DPP10: variants seen among roughly 807,000 people sequenced by gnomAD.
The protein encoded by DPP10 is dipeptidyl peptidase like 10, also known as inactive dipeptidyl peptidase 10.
DPP10 carries 33 observed loss-of-function variants against 120.9 expected under a neutral mutation model. That is an observed-to-expected ratio of 0.27 (90% CI 0.21 to 0.37). The LOEUF (loss-of-function observed/expected upper bound fraction) is 0.37. Ranked by LOEUF, DPP10 falls within the 10% of genes least tolerant of loss-of-function variation. The pLI, the probability that DPP10 is intolerant of heterozygous loss-of-function variation, is 1.00. For synonymous variants in DPP10, 337 were observed against 326.1 expected (o/e 1.03, Z -0.36); for missense variants, 816 against 942.8 (o/e 0.87, Z 1.76).
chr2:115,340,525 A>G (rs1235575637), intron 2 of DPP10, among the ~76,000 whole-genome samples: 3 of 152,042 alleles, frequency 2.0e-5, no homozygotes, highest in East Asian at 3.9e-4. Context: ...TAAAATTTCT[A>G]TTTGAGTTGT....
At chr2:115,688,217 G>C (rs2091114707) in intron 5 of DPP10, among the ~76,000 whole-genome samples, 1 of 152,114 alleles carries the variant, frequency 6.6e-6, no homozygotes, top group South Asian at 2.1e-4. Context: ...CTATCACAAA[G>C]GCAATCTCAG....
chr2:114,931,826 T>C (rs543501516), intron 1 of DPP10, among the ~76,000 whole-genome samples: 1 of 152,346 alleles, frequency 6.6e-6, no homozygotes, highest in East Asian at 1.9e-4. Context: ...CAGTAAAATG[T>C]TGGAGGTCCA....
rs531839355 is a variant in DPP10, at chr2:115,136,534, G to T, written c.61-172705G>T. 3.9e-5 allele frequency among the ~76,000 whole-genome samples: 6 copies of T among 152,266 alleles called. No individual in the cohort carries two copies. The East Asian group carries it at 7.7e-4, about 20-fold the overall frequency. ...TATTCTCAAAAGACACACTCAGGCA[G>T]TTAGAACCAGTGTATTTCTATGTAA... On this transcript the variant is annotated intron_variant, in intron 1 of 25. Transcript: ENST00000410059.
chr2:115,730,409 C>A (rs2092876148), intron 8 of DPP10, among the ~76,000 whole-genome samples: 1 of 152,100 alleles, frequency 6.6e-6, no homozygotes, highest in Admixed American at 6.5e-5. Context: ...TAACAAGGAG[C>A]AGTGGGTTTC....
chr2:115,791,645 T>C (rs918663855), intron 19 of DPP10, among the ~76,000 whole-genome samples: 1 of 152,190 alleles, frequency 6.6e-6, no homozygotes, highest in African/African-American at 2.4e-5. Flanking sequence ...ACTCAAGCCC[T>C]GCGCTCTTTA....
At chr2:114,648,569 G>A (rs527865596) in intron 1 of DPP10, among the ~76,000 whole-genome samples, 1 of 152,234 alleles carries the variant, frequency 6.6e-6, no homozygotes. Context: ...TCTCTAGAAT[G>A]GGCAGGACAG....
intron 5 of DPP10, among the ~76,000 whole-genome samples, chr2:115,658,609 A>G (rs373844969): frequency 1.6e-4 from 25 of 152,286 alleles, no homozygotes; most frequent in African/African-American, 5.5e-4. Context: ...TTGTGAAACT[A>G]TGACCTTGTC....
intron 5 of DPP10, among the ~76,000 whole-genome samples, chr2:115,619,068 A>C (rs1181278915): frequency 3.8e-5 from 3 of 79,402 alleles, no homozygotes; most frequent in African/African-American, 1.9e-4. Context: ...CTGTGGTGCA[A>C]CACTGCCAAA....
chr2:114,719,458 G>A (rs1236288201), intron 1 of DPP10, among the ~76,000 whole-genome samples: 2 of 152,176 alleles, frequency 1.3e-5, no homozygotes, highest in African/African-American at 4.8e-5. Context: ...TAGTGTTCAT[G>A]TCCGCTGCTT....
intron 3 of DPP10, among the ~76,000 whole-genome samples, chr2:115,362,648 A>T (rs2064854997): frequency 6.6e-6 from 1 of 152,176 alleles, no homozygotes; most frequent in African/African-American, 2.4e-5. Flanking sequence ...CGAAATTATT[A>T]AAAAATAACC....
chr2:115,599,778 C>G (rs1575295592), intron 5 of DPP10, among the ~76,000 whole-genome samples: 1 of 152,138 alleles, frequency 6.6e-6, no homozygotes, highest in South Asian at 2.1e-4. Flanking sequence ...TTACCTCCAA[C>G]AGATTATTGA....
At chr2:114,908,815 A>G (rs982297299) in intron 1 of DPP10, among the ~76,000 whole-genome samples, 1 of 151,580 alleles carries the variant, frequency 6.6e-6, no homozygotes, top group African/African-American at 2.4e-5. Context: ...TTCTGTATCA[A>G]CTTTGCATTT....
At chr2:114,967,472 T>C (rs1215599916) in intron 1 of DPP10, among the ~76,000 whole-genome samples, 2 of 152,098 alleles carry the variant, frequency 1.3e-5, no homozygotes, top group African/African-American at 4.8e-5. Context: ...AAGACTGGCA[T>C]AGAGGGTTGG....
chr2:115,272,788 T>A (rs74413399), intron 1 of DPP10, among the ~76,000 whole-genome samples: 6,018 of 152,350 alleles, frequency 0.04, 170 homozygotes, highest in Admixed American at 0.074. Context: ...TTGGTGCTCT[T>A]TTTCTGCGGG....
intron 1 of DPP10, among the ~76,000 whole-genome samples, chr2:114,633,855 T>C (rs1363166814): frequency 1.3e-5 from 2 of 151,820 alleles, no homozygotes; most frequent in Admixed American, 6.6e-5. Flanking sequence ...CCTCAAGTGA[T>C]CCGCTGGCCT....
At chr2:114,575,329 G>A (rs956858152) in intron 1 of DPP10, among the ~76,000 whole-genome samples, 1 of 152,060 alleles carries the variant, frequency 6.6e-6, no homozygotes, top group Non-Finnish European at 1.5e-5. Flanking sequence ...TCAGTCTCTG[G>A]GGATTATATT....
At position 115,207,416 on chromosome 2, in the gene DPP10, C is replaced by CAAAAAAAAA. The variant is rs57462947; in HGVS notation, c.61-101801_61-101793dup. On this transcript the variant is annotated intron_variant, in intron 1 of 25. Coordinates refer to ENST00000410059, the MANE Select transcript of DPP10 (RefSeq NM_020868.6). ...GGTTTTTAAAGAGTGCTTACTGCAC[C>CAAAAAAAAA]AAAAAAAAAAAAAAAAAAAAAAAAA... Among the ~76,000 whole-genome samples the CAAAAAAAAA allele has an allele frequency of 4.5e-3, 234 of 52,302 alleles. 26 individuals are homozygous for CAAAAAAAAA. Among genetic ancestry groups the CAAAAAAAAA allele is most frequent in the African/African-American group, 0.014 (216 of 15,136 alleles). 34.3% of individuals were successfully genotyped at this position (52,302 alleles called of 152,430 possible). A position where few individuals can be genotyped will look rare whatever the true frequency, so the allele number is the denominator to read the frequency against.
At chr2:115,060,599 T>G (rs1006579654) in intron 1 of DPP10, among the ~76,000 whole-genome samples, 1 of 152,138 alleles carries the variant, frequency 6.6e-6, no homozygotes, top group South Asian at 2.1e-4. Flanking sequence ...CTCAAATTGA[T>G]AGATAGAATA....
chr2:114,767,928 C>A (rs542631215), intron 1 of DPP10, among the ~76,000 whole-genome samples: 8 of 152,122 alleles, frequency 5.3e-5, no homozygotes, highest in African/African-American at 1.7e-4. Context: ...TGAAACCAGC[C>A]AGGCCAACAT....
Sources: gnomAD v4.1 joint callset for allele counts (sites outside exome capture counted in the v4.1 genomes callset) on GRCh38, gnomAD v4.1.1 for gene constraint, MANE v1.5 for transcripts, NCBI Gene and HGNC (gene_info 2026-07-23, HGNC 2026-07-21) for gene names.